GOLGA3: variants seen among roughly 807,000 people sequenced by gnomAD.
GOLGA3 encodes the protein golgin subfamily A member 3.
GOLGA3 carries 75 observed loss-of-function variants against 169.4 expected under a neutral mutation model. The ratio of observed to expected loss-of-function variants is 0.44; its 90% CI spans 0.37 to 0.54. The LOEUF is 0.54. GOLGA3 is among the 20% of genes least tolerant of loss of function. GOLGA3 has a pLI of 0.00. For missense variants in GOLGA3, 1,899 were observed against 1,930.0 expected, an observed-to-expected ratio of 0.98 and a Z score of 0.30; for synonymous variants, 824 against 822.4, an observed-to-expected ratio of 1.00 and a Z score of -0.03.
chr12:132,797,991 T>A (rs1172179304), intron 9 of GOLGA3, among the ~76,000 whole-genome samples: 1 of 152,142 alleles, frequency 6.6e-6, no homozygotes, highest in Non-Finnish European at 1.5e-5. Flanking sequence ...CCCAGCGCCA[T>A]CCCTGACTGG....
intron 8 of GOLGA3, among the ~76,000 whole-genome samples, chr12:132,800,620 A>G (rs1949084836): frequency 6.6e-6 from 1 of 152,230 alleles, no homozygotes; most frequent in African/African-American, 2.4e-5. Context: ...TAAAGTTTTA[A>G]TAAATTTATA....
intron 11 of GOLGA3, among the ~76,000 whole-genome samples, chr12:132,794,159 G>A (rs961515988): frequency 6.6e-6 from 1 of 152,114 alleles, no homozygotes; most frequent in African/African-American, 2.4e-5. Context: ...CAAACAGGGA[G>A]CCATGGTCAG....
intron 7 of GOLGA3, among the ~76,000 whole-genome samples, chr12:132,803,263 C>A (rs1439947068): frequency 6.6e-6 from 1 of 152,198 alleles, no homozygotes; most frequent in African/African-American, 2.4e-5. Context: ...GACTCACGTA[C>A]TCTGCTGCTC....
chr12:132,778,435 G>C (rs1458891244), intron 18 of GOLGA3, among the ~76,000 whole-genome samples: 1 of 151,772 alleles, frequency 6.6e-6, no homozygotes, highest in Admixed American at 6.6e-5. Flanking sequence ...GCCAGGCGTG[G>C]TGGCGGGCAC....
At chr12:132,774,579 G>A (rs767984154) in intron 22 of GOLGA3, 23 of 550,358 alleles carry the variant, frequency 4.2e-5, no homozygotes, top group South Asian at 6.5e-5. Flanking sequence ...GCGGCAGGAC[G>A]GGGCCGAGCC....
At position 132,772,536 on chromosome 12, in the gene GOLGA3, T is replaced by A. The variant is rs1367043985; in HGVS notation, c.*569A>T. On this transcript the variant is annotated 3_prime_UTR_variant, in exon 24 of 24. Coordinates refer to ENST00000450791, the MANE Select transcript of GOLGA3 (RefSeq NM_001389683.1). ...TCCAGCCTGGGCAACAAAGCGAGAC[T>A]CTGTCTCAAAAAAAAAAAAAAAAAA... The A allele has an allele frequency of 9.6e-6, 1 of 103,890 alleles. No homozygotes were observed. Among genetic ancestry groups the A allele is most frequent in the Non-Finnish European group, 1.8e-5 (1 of 54,160 alleles). 6.4% of individuals were successfully genotyped at this position (103,890 alleles called of 1,614,324 possible). A position where few individuals can be genotyped will look rare whatever the true frequency, so the allele number is the denominator to read the frequency against.
At chr12:132,801,344 C>T (rs529217325) in intron 8 of GOLGA3, among the ~76,000 whole-genome samples, 36 of 152,306 alleles carry the variant, frequency 2.4e-4, no homozygotes, top group African/African-American at 8.2e-4. Context: ...TGGCACCGCA[C>T]GCCTGTGAGA....
intron 3 of GOLGA3, among the ~76,000 whole-genome samples, chr12:132,816,067 G>C (rs1426951769): frequency 6.6e-6 from 1 of 152,196 alleles, no homozygotes; most frequent in Non-Finnish European, 1.5e-5. Flanking sequence ...GCCTGGTGGC[G>C]GGTGCATGTA....
At chr12:132,780,161 C>T (rs539952603) in intron 18 of GOLGA3, among the ~76,000 whole-genome samples, 9 of 142,822 alleles carry the variant, frequency 6.3e-5, no homozygotes, top group Non-Finnish European at 1.1e-4. Flanking sequence ...CATCACAACA[C>T]TTGCATGCAC....
At chr12:132,808,700 G>C in intron 4 of GOLGA3, 151 bp from the exon 5 acceptor site, 1 of 699,022 alleles carries the variant, frequency 1.4e-6, no homozygotes, top group South Asian at 1.8e-5. Context: ...ACAGGGTGCG[G>C]CCAGGCCTCC....
At chr12:132,788,801 C>T (rs1396137258) in intron 13 of GOLGA3, among the ~76,000 whole-genome samples, 4 of 152,174 alleles carry the variant, frequency 2.6e-5, no homozygotes, top group African/African-American at 9.7e-5. Flanking sequence ...CTGGACTTAT[C>T]AGGCCTCACC....
chr12:132,798,206 A>G (rs2136489486), intron 9 of GOLGA3, 134 bp downstream of exon 9: 1 of 749,394 alleles, frequency 1.3e-6, no homozygotes, highest in Non-Finnish European at 2.0e-6. Context: ...AGCCTTAACG[A>G]GCAGTCACTG....
intron 21 of GOLGA3, among the ~76,000 whole-genome samples, 176 bp downstream of exon 21, chr12:132,776,458 C>T (rs7303268): frequency 8.3e-6 from 1 of 120,850 alleles, no homozygotes; most frequent in African/African-American, 2.9e-5. Context: ...CTGTACCCAG[C>T]GCCTCACACA....
chr12:132,777,242 TGCACTCGGGCA>T lies in GOLGA3; in HGVS notation c.3723-163_3723-153del, dbSNP rs1247597959. On this transcript the variant is annotated intron_variant, in intron 19 of 23. Transcript: ENST00000450791. The surrounding 1 kb of genome is among the most constrained non-coding windows in gnomAD (Gnocchi z 4.7). The stretch of plus-strand genomic sequence containing the variant: ...GCAGCCATGCTTGGTGCCCACAGTG[TGCACTCGGGCA>T]GTCCTCACGAAGCACCTGAGACTCA... The T allele has an allele frequency of 6.5e-6, 5 of 772,928 alleles. No homozygotes were observed. In the African/African-American group the frequency reaches 8.7e-5, roughly 13 times the overall value. The allele number at this position is 772,928 out of a possible 1,614,324, so 47.9% of individuals were successfully genotyped here.
intron 18 of GOLGA3, among the ~76,000 whole-genome samples, chr12:132,780,118 C>T (rs1367436283): frequency 4.6e-4 from 18 of 39,150 alleles, no homozygotes; most frequent in Non-Finnish European, 8.0e-4. Context: ...CAGCCCCCCG[C>T]GTGCACACAC....
At position 132,789,146 on chromosome 12, in the gene GOLGA3, C is replaced by T. The variant is rs777674425; in HGVS notation, c.2692G>A (p.Glu898Lys). ...MQVHGEKRTA[E>K]AELSRLHREV... The stretch of plus-strand genomic sequence containing the variant: ...CTGTGCAGGCGCGAGAGCTCCGCCT[C>T]GGCAGTCCGCTTCTCCCCGTGCACT... The change falls in exon 13 of 24, where the codon GAG (glutamate) becomes AAG (lysine). Residue 898 changes from glutamate to lysine, a missense_variant. Transcript: ENST00000450791. 32 of 1,612,742 alleles carry T rather than the reference C, an allele frequency of 2.0e-5. No individual in the cohort carries two copies. The highest frequency in any genetic ancestry group is 2.5e-5 in the Non-Finnish European group (29 of 1,180,026).
intron 15 of GOLGA3, among the ~76,000 whole-genome samples, chr12:132,785,880 G>A (rs1305245093): frequency 6.6e-6 from 1 of 152,218 alleles, no homozygotes; most frequent in Non-Finnish European, 1.5e-5. Flanking sequence ...GCACCCGCTT[G>A]TTCTGGGCCA....
At position 132,801,914 on chromosome 12, in the gene GOLGA3, C is replaced by T; in HGVS notation, c.1653G>A (p.Gln551=). The T allele has an allele frequency of 6.2e-7, 1 of 1,602,088 alleles. No individual in the cohort carries two copies. Among genetic ancestry groups the T allele is most frequent in the Non-Finnish European group, 8.5e-7 (1 of 1,179,872 alleles). ...TGCTGGTCAGCGTCGTCCGCTCCAG[C>T]TGCACCTGCTGAAGCTGGCTCTGCA... ...TALQSQLQQV[Q]LERTTLTSKL... Residue 551 remains glutamine, a synonymous_variant, in exon 8 of 24, where the codon CAG becomes CAA. Coordinates refer to ENST00000450791, the MANE Select transcript of GOLGA3 (RefSeq NM_001389683.1).
intron 9 of GOLGA3, among the ~76,000 whole-genome samples, chr12:132,797,590 T>TA (rs751681802): frequency 6.6e-6 from 1 of 152,062 alleles, no homozygotes; most frequent in Non-Finnish European, 1.5e-5. Context: ...CGAGTGCCTG[T>TA]AATCCCAGCT....
Sources: gnomAD v4.1 joint callset for allele counts (sites outside exome capture counted in the v4.1 genomes callset) on GRCh38, gnomAD v4.1.1 for gene constraint, Gnocchi (gnomAD v3.1) non-coding constraint, MANE v1.5 for transcripts, NCBI Gene and HGNC (gene_info 2026-07-23, HGNC 2026-07-21) for gene names.